PPRC1: variants seen among roughly 807,000 people sequenced by gnomAD.
The protein encoded by PPRC1 is peroxisome proliferator-activated receptor gamma coactivator-related protein 1.
A neutral mutation model predicts 132.5 loss-of-function variants in PPRC1; 23 were observed. The observed-to-expected ratio is 0.17, with a 90% CI of 0.12 to 0.25. The LOEUF (loss-of-function observed/expected upper bound fraction) is 0.25, where lower values mean the gene tolerates loss of function less well. PPRC1 is among the 10% of genes least tolerant of loss of function. PPRC1 has a pLI of 1.00. For synonymous variants in PPRC1, 872 were observed against 833.5 expected (o/e 1.05, Z -0.80); for missense variants, 2,006 against 2,089.1 (o/e 0.96, Z 0.78).
chr10:102,129,483 T>G (rs551321195), upstream of PPRC1, among the ~76,000 whole-genome samples: 1 of 152,252 alleles, frequency 6.6e-6, no homozygotes, highest in Non-Finnish European at 1.5e-5. Context: ...ATGAATAGAT[T>G]GTTTCTTCAG....
intron 1 of PPRC1, among the ~76,000 whole-genome samples, chr10:102,135,321 A>T (rs1314842419): frequency 1.3e-5 from 2 of 152,138 alleles, no homozygotes; most frequent in African/African-American, 4.8e-5. Flanking sequence ...GACACGCTGG[A>T]GCAGAGGTCT....
At position 102,140,582 on chromosome 10, in the gene PPRC1, G is replaced by C; in HGVS notation, c.2074G>C (p.Asp692His). The change falls in exon 5 of 14, where the codon GAT (aspartate) becomes CAT (histidine). Residue 692 changes from aspartate (D) to histidine (H), a missense_variant. Physicochemically the swap from Asp to His is moderately conservative, Grantham distance 81 (BLOSUM62 -1). Coordinates refer to ENST00000278070, the MANE Select transcript of PPRC1 (RefSeq NM_015062.5). Reference sequence around the variant, plus strand: ...AGTGCTAGTTAAGTCCAGACCAACTGATCCCAGACGTGGTGCAGTGTCATC... The same window carrying C: ...AGTGCTAGTTAAGTCCAGACCAACTCATCCCAGACGTGGTGCAGTGTCATC... ...DPVLVKSRPT[D>H]PRRGAVSSAL... is the part of the protein sequence containing the mutation. 1 of 1,614,076 alleles carries C rather than the reference G, an allele frequency of 6.2e-7. No individual in the cohort carries two copies. The highest frequency in any genetic ancestry group is 1.3e-5 in the African/African-American group (1 of 75,018).
the PPRC1 span, among the ~76,000 whole-genome samples, chr10:102,121,749 TCCC>T: frequency 2.6e-5 from 4 of 152,220 alleles, no homozygotes; most frequent in South Asian, 8.3e-4. Flanking sequence ...TAGTGTCTCC[TCCC>T]TAGGGCGTCT....
At chr10:102,126,007 C>G in the PPRC1 span, among the ~76,000 whole-genome samples, 1 of 152,096 alleles carries the variant, frequency 6.6e-6, no homozygotes, top group Non-Finnish European at 1.5e-5. Context: ...GGACTACAGG[C>G]ATGCACCACC....
rs1590322623 is a variant in PPRC1, at chr10:102,137,183, A to G, written c.154-667A>G. ...GTGAAACCCTGTCTCTACTAAAAAT[A>G]CAAAAATTAGCTGGGCGTGGTGGTG... is the stretch of plus-strand genomic sequence containing the variant. On this transcript the variant is annotated intron_variant, in intron 1 of 13. Coordinates refer to ENST00000278070, the MANE Select transcript of PPRC1 (RefSeq NM_015062.5). 2.0e-5 allele frequency among the ~76,000 whole-genome samples: 3 copies of G among 152,180 alleles called. No homozygotes were observed. In the East Asian group the frequency reaches 5.8e-4, roughly 29 times the overall value.
At chr10:102,144,947 T>C in intron 7 of PPRC1, 73 bp from the exon 8 acceptor site, 1 of 1,281,174 alleles carries the variant, frequency 7.8e-7, no homozygotes, top group Non-Finnish European at 1.1e-6. Context: ...CTCCCATTGA[T>C]TTCTGAGAAA....
At chr10:102,120,952 G>A in the PPRC1 span, among the ~76,000 whole-genome samples, 1 of 152,172 alleles carries the variant, frequency 6.6e-6, no homozygotes, top group Non-Finnish European at 1.5e-5. Context: ...CTTGTTTCGC[G>A]TCCCTACCCT....
chr10:102,132,990 A>C (rs990181318), upstream of PPRC1: 4 of 1,232,678 alleles, frequency 3.2e-6, no homozygotes, highest in South Asian at 1.7e-4. Flanking sequence ...GTCATTCGGG[A>C]GTTGTAGTTC....
Position 102,141,902 on chromosome 10 carries a change from C to A in PPRC1, c.3394C>A (p.Leu1132Met). The A allele has an allele frequency of 6.2e-7, 1 of 1,614,178 alleles. No homozygotes were observed. Among genetic ancestry groups the A allele is most frequent in the Middle Eastern group, 1.6e-4 (1 of 6,062 alleles). The change falls in exon 5 of 14, where the codon CTG (leucine) becomes ATG (methionine). Residue 1132 changes from leucine to methionine, a missense_variant. Physicochemically the swap from Leu to Met is conservative, Grantham distance 15 (BLOSUM62 2). Transcript: ENST00000278070. ...ACCAAGGCAGAGCACTGTCCCCAAG[C>A]TGCCTGCTGTCCACCCAGCCCGTCT... ...PTPRQSTVPK[L>M]PAVHPARLRK...
Position 102,148,242 on chromosome 10 carries a change from G to A in PPRC1, c.4401-130G>A, listed in dbSNP as rs1020859141. On this transcript the variant is annotated intron_variant, in intron 9 of 13. Coordinates refer to ENST00000278070, the MANE Select transcript of PPRC1 (RefSeq NM_015062.5). The surrounding 1 kb of genome is among the most constrained non-coding windows in gnomAD (Gnocchi z 4.2). ...TCTCTGAATGAAAATTGTTCTTCTA[G>A]ACCTCTTCTACTCTGCTTTGTCTTT... 9.5e-6 allele frequency: 10 copies of A among 1,055,772 alleles called. No homozygotes were observed. The highest frequency in any genetic ancestry group is 1.4e-5 in the Non-Finnish European group (10 of 724,098). The allele number at this position is 1,055,772 out of a possible 1,614,324, so 65.4% of individuals were successfully genotyped here.
intron 1 of PPRC1, 117 bp from the exon 2 acceptor site, chr10:102,137,733 C>T (rs558469281): frequency 1.8e-5 from 17 of 964,816 alleles, no homozygotes; most frequent in South Asian, 4.0e-5. Context: ...AGAAGTTTGG[C>T]GACAGTGTTG....
chr10:102,120,033 TC>T, the PPRC1 span: 1 of 1,353,878 alleles, frequency 7.4e-7, no homozygotes, highest in Non-Finnish European at 9.8e-7. Flanking sequence ...GGGTGAGGGG[TC>T]CGCAGGGACG....
chr10:102,144,366 C>A (rs1347439983), intron 7 of PPRC1, 59 bp downstream of exon 7: 1 of 1,512,332 alleles, frequency 6.6e-7, no homozygotes, highest in Non-Finnish European at 9.1e-7. Flanking sequence ...CCGGCTGACA[C>A]TCCAGGACTG....
the PPRC1 span, among the ~76,000 whole-genome samples, chr10:102,126,273 T>C: frequency 6.6e-6 from 1 of 152,114 alleles, no homozygotes; most frequent in African/African-American, 2.4e-5. Context: ...GCCCAAGAGT[T>C]TGAGACAGCA....
At chr10:102,120,164 C>T in the PPRC1 span, 1 of 1,232,310 alleles carries the variant, frequency 8.1e-7, no homozygotes, top group Non-Finnish European at 1.0e-6. Context: ...CCGCCCCTCG[C>T]GGGGACAGGC....
chr10:102,150,020 C>G lies in PPRC1; in HGVS notation c.4986C>G (p.Leu1662=), dbSNP rs2069441124. The G allele has an allele frequency of 1.2e-5, 20 of 1,610,354 alleles. No individual in the cohort carries two copies. The highest frequency in any genetic ancestry group is 1.4e-5 in the Non-Finnish European group (16 of 1,176,570). ...TGTTGAAACAGGCCCAGAAGAACCT[C>G]AGGAGGTAACCTTGGGCCCTTCCCT... is the stretch of plus-strand genomic sequence containing the variant. The part of the protein sequence containing the change: ...DTLLKQAQKN[L]RR Residue 1662 remains leucine (L), a synonymous_variant, in exon 14 of 14, where the codon CTC becomes CTG. Coordinates refer to ENST00000278070, the MANE Select transcript of PPRC1 (RefSeq NM_015062.5).
At chr10:102,142,776 C>A (rs1377889681) in intron 5 of PPRC1, among the ~76,000 whole-genome samples, 1 of 152,078 alleles carries the variant, frequency 6.6e-6, no homozygotes, top group Non-Finnish European at 1.5e-5. Context: ...AACTCCTGGG[C>A]TCAAGTGGTC....
In PPRC1 at chr10:102,133,474, C is replaced by G. The variant is rs558426897; in HGVS notation, c.153+253C>G. On this transcript the variant is annotated intron_variant, in intron 1 of 13. Coordinates refer to ENST00000278070, the MANE Select transcript of PPRC1 (RefSeq NM_015062.5). ...GGAAACATAACCCGCGGCTGGGGGT[C>G]AGGGGTTCGGACTTGGGGTCGAAGG... is the stretch of plus-strand genomic sequence containing the variant. Among the ~76,000 whole-genome samples, 3 of 151,980 alleles carry G rather than the reference C, an allele frequency of 2.0e-5. No individual in the cohort carries two copies. In the East Asian group the frequency reaches 5.8e-4, roughly 29 times the overall value.
In PPRC1 at chr10:102,141,428, A is replaced by C; in HGVS notation, c.2920A>C (p.Ser974Arg). Residue 974 changes from serine (S) to arginine (R), a missense_variant, in exon 5 of 14, where the codon AGT (serine) becomes CGT (arginine). Ser to Arg is a moderately radical substitution (Grantham distance 110). This residue lies in a region of PPRC1 where 1,914 missense variants were observed against 1,917.2 expected (regional missense o/e 1.00). Coordinates refer to ENST00000278070, the MANE Select transcript of PPRC1 (RefSeq NM_015062.5). ...APPPAPVSPY[S>R]STCTYGPLGW... ...CCCTCCTGCCCCAGTCTCACCTTAC[A>C]GTTCCACATGTACCTATGGGCCCTT... The C allele has an allele frequency of 6.2e-7, 1 of 1,613,758 alleles. No individual in the cohort carries two copies. Among genetic ancestry groups the C allele is most frequent in the African/African-American group, 1.3e-5 (1 of 74,954 alleles).
Sources: gnomAD v4.1 joint callset for allele counts (sites outside exome capture counted in the v4.1 genomes callset) on GRCh38, gnomAD v4.1.1 for gene constraint, gnomAD v4.1.1 regional missense constraint, Gnocchi (gnomAD v3.1) non-coding constraint, MANE v1.5 for transcripts, NCBI Gene and HGNC (gene_info 2026-07-23, HGNC 2026-07-21) for gene names.